ARHGAP39: variants seen among roughly 807,000 people sequenced by gnomAD.
ARHGAP39 encodes the protein Rho GTPase activating protein 39, also known as rho GTPase-activating protein 39.
Under a neutral mutation model 106.9 loss-of-function variants are expected in ARHGAP39, and 44 were observed. That is an observed-to-expected ratio of 0.41 (90% confidence interval 0.32 to 0.53). The LOEUF (loss-of-function observed/expected upper bound fraction) is 0.53, where lower values mean the gene tolerates loss of function less well. ARHGAP39 is among the 20% of genes least tolerant of loss of function. The probability of loss-of-function intolerance (pLI) is 0.21; values close to 1 mark genes in which losing one functional copy is unlikely to be tolerated. For missense variants in ARHGAP39, 1,496 were observed against 1,577.3 expected (o/e 0.95, Z 0.87); for synonymous variants, 768 against 693.2 (o/e 1.11, Z -1.69).
intron 6 of ARHGAP39, among the ~76,000 whole-genome samples, chr8:144,544,589 G>A (rs1293204886): frequency 1.3e-5 from 2 of 152,268 alleles, no homozygotes; most frequent in East Asian, 1.9e-4. Context: ...ACACGGGGCT[G>A]TCTGGCGGAT....
chr8:144,609,479 G>A (rs1288431444), intron 1 of ARHGAP39, among the ~76,000 whole-genome samples: 3 of 144,028 alleles, frequency 2.1e-5, no homozygotes, highest in East Asian at 4.1e-4. Flanking sequence ...TCGGCTGACT[G>A]CAACCTCCAC....
At chr8:144,533,365 T>A in intron 8 of ARHGAP39, 40 bp from the exon 9 acceptor site, 1 of 1,585,648 alleles carries the variant, frequency 6.3e-7, no homozygotes, top group Non-Finnish European at 8.6e-7. Context: ...GGCCTGGCCA[T>A]CCTCAGGACC....
At chr8:144,650,998 C>A (rs990424726) in intron 1 of ARHGAP39, among the ~76,000 whole-genome samples, 4 of 152,060 alleles carry the variant, frequency 2.6e-5, no homozygotes, top group Non-Finnish European at 5.9e-5. Flanking sequence ...TCTAGAAAAC[C>A]CCATCGTCTC....
chr8:144,655,357 G>A (rs542569279), intron 1 of ARHGAP39, among the ~76,000 whole-genome samples: 4 of 152,282 alleles, frequency 2.6e-5, no homozygotes, highest in African/African-American at 9.6e-5. Context: ...CTGAAGAGAG[G>A]AGCTACCCTC....
chr8:144,620,886 A>G (rs1224440460), intron 1 of ARHGAP39, among the ~76,000 whole-genome samples: 1 of 152,264 alleles, frequency 6.6e-6, no homozygotes, highest in Non-Finnish European at 1.5e-5. Context: ...TGAGGTGGCC[A>G]CTGTGCCCTC....
chr8:144,659,565 A>G (rs1821773824), intron 1 of ARHGAP39, among the ~76,000 whole-genome samples: 1 of 152,198 alleles, frequency 6.6e-6, no homozygotes, highest in Non-Finnish European at 1.5e-5. Context: ...TGTTATTTCT[A>G]AGTCAATGTT....
intron 1 of ARHGAP39, among the ~76,000 whole-genome samples, chr8:144,640,136 C>T (rs911654305): frequency 2.6e-5 from 4 of 152,150 alleles, no homozygotes; most frequent in African/African-American, 9.7e-5. Context: ...TTAGAAGCTC[C>T]ATGACACCAG....
chr8:144,558,213 C>A (rs192701894), intron 3 of ARHGAP39, among the ~76,000 whole-genome samples: 9 of 152,354 alleles, frequency 5.9e-5, no homozygotes, highest in Admixed American at 5.2e-4. Flanking sequence ...GAGAAACACA[C>A]ACTCCCGGAT....
In ARHGAP39 at chr8:144,548,068, A is replaced by G. The variant is rs1817539037; in HGVS notation, c.1018T>C (p.Tyr340His). ...MDVQFEAGGG[Y>H]QAGSPQRSPG... ...GACCGCTGGGGAGAGCCGGCCTGGTAGCCCCCGCCAGCCTCGAATTGCACG... is the reference window on the plus strand; with the variant it reads ...GACCGCTGGGGAGAGCCGGCCTGGTGGCCCCCGCCAGCCTCGAATTGCACG... The change falls in exon 5 of 12, where the codon TAC becomes CAC. Residue 340 changes from tyrosine (Y) to histidine (H), a missense_variant. This residue lies in a region of ARHGAP39 where 905 missense variants were observed against 816.4 expected (regional missense o/e 1.11). Transcript: ENST00000377307. The surrounding 1 kb of genome is among the most constrained non-coding windows in gnomAD (Gnocchi z 7.4). The G allele has an allele frequency of 6.3e-7, 1 of 1,592,130 alleles. No individual in the cohort carries two copies. Among genetic ancestry groups the G allele is most frequent in the African/African-American group, 1.3e-5 (1 of 74,314 alleles).
Position 144,537,736 on chromosome 8 carries a change from C to T in ARHGAP39, c.2599G>A (p.Val867Ile), listed in dbSNP as rs1365996561. ...GAGGCCCTACCATCCGGCTCTTCAA[C>T]ATAAGGCTTGGGTTTCTTTCTCAAT... is the stretch of plus-strand genomic sequence containing the variant. ...SKLRKKPKPY[V>I]EEPDGVAIST... is the part of the protein sequence containing the mutation. Residue 867 changes from valine (V) to isoleucine (I), a missense_variant, in exon 7 of 12, where the codon GTT (valine) becomes ATT (isoleucine). Val to Ile is a conservative substitution (Grantham distance 29). Coordinates refer to ENST00000377307, the MANE Select transcript of ARHGAP39 (RefSeq NM_025251.3). 1.9e-6 allele frequency: 3 copies of T among 1,614,014 alleles called. No homozygotes were observed. Among genetic ancestry groups the T allele is most frequent in the South Asian group, 1.1e-5 (1 of 91,084 alleles).
At chr8:144,543,193 C>G (rs1185327786) in intron 6 of ARHGAP39, among the ~76,000 whole-genome samples, 1 of 152,066 alleles carries the variant, frequency 6.6e-6, no homozygotes, top group South Asian at 2.1e-4. Context: ...CCAGGCTGGT[C>G]TCAAACTCCC....
At position 144,530,369 on chromosome 8, in the gene ARHGAP39, G is replaced by A; in HGVS notation, c.*53C>T. On this transcript the variant is annotated 3_prime_UTR_variant, in exon 12 of 12. Coordinates refer to ENST00000377307, the MANE Select transcript of ARHGAP39 (RefSeq NM_025251.3). ...CCTCTGCCGGGAGAGCGAGTGCGGA[G>A]TTCGGCCTGGCTGGGGGCGGCAGGA... The A allele has an allele frequency of 1.3e-6, 2 of 1,526,796 alleles. 1 individual carries two copies. Among genetic ancestry groups the A allele is most frequent in the South Asian group, 2.4e-5 (2 of 82,404 alleles). The allele number at this position is 1,526,796 out of a possible 1,614,324, so 94.6% of individuals were successfully genotyped here. A position where few individuals can be genotyped will look rare whatever the true frequency, so the allele number is the denominator to read the frequency against.
At position 144,545,369 on chromosome 8, in the gene ARHGAP39, G is replaced by T; in HGVS notation, c.2401C>A (p.Leu801Met). The change falls in exon 6 of 12, where the codon CTG becomes ATG. Residue 801 changes from leucine to methionine, a missense_variant. By Grantham distance (15) the Leu-to-Met change is conservative. Coordinates refer to ENST00000377307, the MANE Select transcript of ARHGAP39 (RefSeq NM_025251.3). ...GCCATGAGCTCCCAGCCGCGGGCCAGGCTCTCCAGGCGGAAGTTCTCGGTG... is the reference window on the plus strand; with the variant it reads ...GCCATGAGCTCCCAGCCGCGGGCCATGCTCTCCAGGCGGAAGTTCTCGGTG... ...QTTENFRLES[L>M]ARGWELMAIC... The T allele has an allele frequency of 6.2e-7, 1 of 1,601,144 alleles. No homozygotes were observed.
chr8:144,560,187 A>G (rs1254007457), intron 3 of ARHGAP39, among the ~76,000 whole-genome samples: 1 of 152,240 alleles, frequency 6.6e-6, no homozygotes, highest in Non-Finnish European at 1.5e-5. Flanking sequence ...TAATTCCAAC[A>G]CTTTGGGAGG....
At chr8:144,595,365 G>A (rs1819579175) in intron 2 of ARHGAP39, among the ~76,000 whole-genome samples, 1 of 152,172 alleles carries the variant, frequency 6.6e-6, no homozygotes, top group African/African-American at 2.4e-5. Context: ...TCAATCGTCT[G>A]GAGCAGGTGA....
At chr8:144,611,587 T>C (rs575927195) in intron 1 of ARHGAP39, among the ~76,000 whole-genome samples, 8 of 152,380 alleles carry the variant, frequency 5.3e-5, no homozygotes, top group African/African-American at 1.9e-4. Context: ...TCATGAAGTA[T>C]CTTTATCCTG....
At chr8:144,697,057 G>A in the ARHGAP39 span, among the ~76,000 whole-genome samples, 1 of 152,146 alleles carries the variant, frequency 6.6e-6, no homozygotes. Flanking sequence ...GGGCGCGGTG[G>A]CTCATGCCTG....
At chr8:144,613,078 C>T (rs1820536582) in intron 1 of ARHGAP39, among the ~76,000 whole-genome samples, 1 of 152,218 alleles carries the variant, frequency 6.6e-6, no homozygotes. Flanking sequence ...TAACATACAT[C>T]TTTACTTTGT....
chr8:144,554,003 C>T (rs1817820843), intron 4 of ARHGAP39, among the ~76,000 whole-genome samples: 1 of 152,198 alleles, frequency 6.6e-6, no homozygotes, highest in Non-Finnish European at 1.5e-5. Flanking sequence ...GGGGCCTGGC[C>T]AGCACATGGA....
Sources: gnomAD v4.1 joint callset for allele counts (sites outside exome capture counted in the v4.1 genomes callset) on GRCh38, gnomAD v4.1.1 for gene constraint, gnomAD v4.1.1 regional missense constraint, Gnocchi (gnomAD v3.1) non-coding constraint, MANE v1.5 for transcripts, NCBI Gene and HGNC (gene_info 2026-07-23, HGNC 2026-07-21) for gene names.